TMLHE: variants seen among roughly 807,000 people sequenced by gnomAD.
TMLHE encodes the protein trimethyllysine dioxygenase, mitochondrial.
Under a neutral mutation model 25.7 loss-of-function variants are expected in TMLHE, and 18 were observed. The ratio of observed to expected loss-of-function variants is 0.70; its 90% CI spans 0.48 to 1.04. The LOEUF is 1.04. Ranked by LOEUF, TMLHE falls within the 50% of genes least tolerant of loss-of-function variation. The pLI is 0.00. For missense variants in TMLHE, 236 were observed against 259.0 expected (o/e 0.91, Z 0.61); for synonymous variants, 105 against 97.0 (o/e 1.08, Z -0.49).
At chrX:155,535,149 G>C (rs1468719115) in intron 2 of TMLHE, among the ~76,000 whole-genome samples, 1 of 111,910 alleles carries the variant, frequency 8.9e-6, no homozygotes, top group Non-Finnish European at 1.9e-5. Context: ...CCTGGGCTAT[G>C]GTCTTTTGTT....
chrX:155,551,092 C>A (rs1201819843), intron 1 of TMLHE, among the ~76,000 whole-genome samples: 1 of 110,519 alleles, frequency 9.0e-6, no homozygotes, highest in Non-Finnish European at 1.9e-5. Flanking sequence ...ACACCTACCT[C>A]GGGTCCCAAA....
chrX:155,504,988 T>C (rs1191084203), intron 6 of TMLHE, among the ~76,000 whole-genome samples: 2 of 111,785 alleles, frequency 1.8e-5, no homozygotes, highest in Non-Finnish European at 3.8e-5. Flanking sequence ...AGTGAGTGTA[T>C]ATTTAATATT....
At position 155,561,492 on chromosome X, in the gene TMLHE, C is replaced by T. The variant is rs2067496262; in HGVS notation, c.-1-16215G>A. ...TACAGCCAAACCATATTATCCCACCCCTGGCCCCTCACAAATCTCATGTCC... is the reference window on the plus strand; with the variant it reads ...TACAGCCAAACCATATTATCCCACCTCTGGCCCCTCACAAATCTCATGTCC... On this transcript the variant is annotated intron_variant, in intron 1 of 7. Transcript: ENST00000334398. Among the ~76,000 whole-genome samples, 4 of 61,026 alleles carry T rather than the reference C, an allele frequency of 6.6e-5. 2 individuals are homozygous for T. The highest frequency in any genetic ancestry group is 1.8e-4 in the Non-Finnish European group (4 of 21,803). The allele number at this position is 61,026 out of a possible 115,157, so 53.0% of individuals were successfully genotyped here. A position where few individuals can be genotyped will look rare whatever the true frequency, so the allele number is the denominator to read the frequency against.
At chrX:155,506,039 C>G (rs1313161432) in intron 6 of TMLHE, among the ~76,000 whole-genome samples, 3 of 110,851 alleles carry the variant, frequency 2.7e-5, no homozygotes, top group African/African-American at 9.8e-5. Context: ...GAATTACATG[C>G]TAGAAGAGTA....
At chrX:155,549,300 TA>T (rs1433599704) in intron 1 of TMLHE, among the ~76,000 whole-genome samples, 1 of 110,699 alleles carries the variant, frequency 9.0e-6, no homozygotes, top group African/African-American at 3.3e-5. Context: ...TTCCTGATCT[TA>T]GGGGAAAACA....
chrX:155,587,366 A>G (rs1476217078), intron 1 of TMLHE, among the ~76,000 whole-genome samples: 1 of 111,919 alleles, frequency 8.9e-6, no homozygotes, highest in Non-Finnish European at 1.9e-5. Flanking sequence ...AATATACCTC[A>G]AAAACATAAA....
intron 1 of TMLHE, among the ~76,000 whole-genome samples, chrX:155,588,458 C>G (rs2067676956): frequency 9.0e-6 from 1 of 111,341 alleles, no homozygotes; most frequent in African/African-American, 3.3e-5. Context: ...ACATCAAAGG[C>G]ACAATTATAA....
chrX:155,605,406 C>A (rs2067780882), intron 1 of TMLHE, among the ~76,000 whole-genome samples: 1 of 111,934 alleles, frequency 8.9e-6, no homozygotes, highest in Admixed American at 9.4e-5. Flanking sequence ...CAGCAGAAAT[C>A]TTGCAAGTCA....
At chrX:155,505,332 A>G (rs1436904727) in intron 6 of TMLHE, among the ~76,000 whole-genome samples, 1 of 111,906 alleles carries the variant, frequency 8.9e-6, no homozygotes, top group Non-Finnish European at 1.9e-5. Flanking sequence ...AGGCACTTAG[A>G]TATATGAGAG....
intron 2 of TMLHE, among the ~76,000 whole-genome samples, chrX:155,538,665 C>T (rs953578440): frequency 1.8e-5 from 2 of 111,874 alleles, no homozygotes; most frequent in African/African-American, 6.5e-5. Flanking sequence ...TATCCAATCA[C>T]TTACCTGCAT....
chrX:155,567,058 CCA>C (rs1234916934), intron 1 of TMLHE, among the ~76,000 whole-genome samples: 2 of 62,318 alleles, frequency 3.2e-5, no homozygotes, highest in African/African-American at 7.1e-5. Flanking sequence ...CTTGTAACCT[CCA>C]CAGTGTCAAA....
rs781786003 is a variant in TMLHE, at chrX:155,578,922, G to A, written c.-1-33645C>T. Reference sequence around the variant, plus strand: ...TAGAGTTGATTTCAGTAAACTTTCAGGAAACAAAATCAATATACATAAATT... The same window carrying A: ...TAGAGTTGATTTCAGTAAACTTTCAAGAAACAAAATCAATATACATAAATT... On this transcript the variant is annotated intron_variant, in intron 1 of 7. Coordinates refer to ENST00000334398, the MANE Select transcript of TMLHE (RefSeq NM_018196.4). 7.2e-5 allele frequency among the ~76,000 whole-genome samples: 8 copies of A among 111,610 alleles called. No homozygotes were observed. The East Asian group carries it at 2.2e-3, about 31-fold the overall frequency.
Position 155,545,150 on chromosome X carries a change from G to A in TMLHE, c.127C>T (p.His43Tyr), listed in dbSNP as rs2067336357. 1.7e-6 allele frequency: 2 copies of A among 1,208,262 alleles called. No individual in the cohort carries two copies. Among genetic ancestry groups the A allele is most frequent in the East Asian group, 5.9e-5 (2 of 33,742 alleles). Residue 43 changes from histidine to tyrosine, a missense_variant, in exon 2 of 8, where the codon CAT becomes TAT. By Grantham distance (83) the His-to-Tyr change is moderately conservative (BLOSUM62 2). This residue lies in a region of TMLHE where 217 missense variants were observed against 214.6 expected (regional missense o/e 1.01). Coordinates refer to ENST00000334398, the MANE Select transcript of TMLHE (RefSeq NM_018196.4). Reference sequence around the variant, plus strand: ...CAAGTCAGAGACTTGGAGGCTGTATGGTGCCAATGGACAGCTAAAGGAAGT... The same window carrying A: ...CAAGTCAGAGACTTGGAGGCTGTATAGTGCCAATGGACAGCTAAAGGAAGT... ...SLLPLAVHWHHTASKSLTCAW... is the reference protein window; with the variant it reads ...SLLPLAVHWHYTASKSLTCAW...
intron 1 of TMLHE, among the ~76,000 whole-genome samples, chrX:155,579,107 A>T (rs1557344183): frequency 5.0e-5 from 1 of 20,200 alleles, no homozygotes; most frequent in Non-Finnish European, 3.1e-4. Context: ...ATTGTACATG[A>T]CAAAAATGGG....
intron 1 of TMLHE, among the ~76,000 whole-genome samples, chrX:155,604,722 G>A (rs189641169): frequency 9.0e-6 from 1 of 111,646 alleles, no homozygotes; most frequent in African/African-American, 3.3e-5. Context: ...GGAGTCATGT[G>A]GCTGAGCAAG....
At chrX:155,547,434 C>T (rs963984509) in intron 1 of TMLHE, among the ~76,000 whole-genome samples, 1 of 111,863 alleles carries the variant, frequency 8.9e-6, no homozygotes, top group Admixed American at 9.5e-5. Context: ...TGAGCCACCA[C>T]GACCAGCTAT....
chrX:155,578,577 C>T (rs2067605515), intron 1 of TMLHE, among the ~76,000 whole-genome samples: 1 of 112,208 alleles, frequency 8.9e-6, no homozygotes, highest in Admixed American at 9.4e-5. Flanking sequence ...GCTTCAACCA[C>T]ATAGGTTGTA....
At chrX:155,536,612 A>T (rs1197892572) in intron 2 of TMLHE, among the ~76,000 whole-genome samples, 1 of 111,783 alleles carries the variant, frequency 8.9e-6, no homozygotes, top group Non-Finnish European at 1.9e-5. Context: ...AAATCACAGG[A>T]GAAATTAATT....
intron 1 of TMLHE, among the ~76,000 whole-genome samples, chrX:155,585,411 AC>A (rs2067657721): frequency 3.9e-5 from 2 of 51,842 alleles, no homozygotes; most frequent in Non-Finnish European, 8.0e-5. Context: ...TTATACACAC[AC>A]ACAAACACAC....
Sources: gnomAD v4.1 joint callset for allele counts (sites outside exome capture counted in the v4.1 genomes callset) on GRCh38, gnomAD v4.1.1 for gene constraint, gnomAD v4.1.1 regional missense constraint, MANE v1.5 for transcripts, NCBI Gene and HGNC (gene_info 2026-07-23, HGNC 2026-07-21) for gene names.